The following RAB38 variants were observed in gnomAD, a reference collection of about 807,000 sequenced individuals.
RAB38 encodes RAB38, member RAS oncogene family, also known as ras-related protein Rab-38.
In RAB38, 15 loss-of-function variants were observed where a neutral mutation model predicts 18.4. The ratio of observed to expected loss-of-function variants is 0.82; its 90% confidence interval spans 0.55 to 1.26. The LOEUF is 1.26. Ranked by LOEUF, RAB38 falls within the 50% of genes most tolerant of loss-of-function variation. RAB38 has a pLI of 0.00. For missense variants in RAB38, 294 were observed against 267.4 expected, an observed-to-expected ratio of 1.10 and a Z score of -0.69; for synonymous variants, 101 against 104.4, an observed-to-expected ratio of 0.97 and a Z score of 0.20.
At chr11:88,174,430 T>G (rs1391912949) in intron 1 of RAB38, among the ~76,000 whole-genome samples, 2 of 152,072 alleles carry the variant, frequency 1.3e-5, no homozygotes, top group Non-Finnish European at 2.9e-5. Context: ...ATGAAAACTT[T>G]AGGGCCAAAT....
the RAB38 span, among the ~76,000 whole-genome samples, chr11:88,040,686 G>A: frequency 6.6e-6 from 1 of 151,866 alleles, no homozygotes; most frequent in Non-Finnish European, 1.5e-5. Context: ...CTGGACAACA[G>A]AGGGAGACCC....
chr11:88,156,680 C>T (rs532204629), intron 1 of RAB38, among the ~76,000 whole-genome samples: 134 of 151,760 alleles, frequency 8.8e-4, no homozygotes, highest in African/African-American at 2.7e-3. Context: ...CCAGCCTGGG[C>T]GACAGAGCAA....
chr11:87,910,633 C>CTT, the RAB38 span, among the ~76,000 whole-genome samples: 8,785 of 128,682 alleles, frequency 0.068, 1,294 homozygotes, highest in Admixed American at 0.087. Flanking sequence ...AGTTCATTTT[C>CTT]TTTTTTTTTT....
chr11:87,852,836 C>G, the RAB38 span, among the ~76,000 whole-genome samples: 1 of 152,150 alleles, frequency 6.6e-6, no homozygotes, highest in Non-Finnish European at 1.5e-5. Flanking sequence ...CACCTCTTTT[C>G]AAATTCCCAT....
chr11:87,878,222 T>TATATATATATATATACACAC, the RAB38 span, among the ~76,000 whole-genome samples: 61 of 116,204 alleles, frequency 5.2e-4, 4 homozygotes, highest in African/African-American at 2.7e-3. Context: ...TATATATATA[T>TATATATATATATATACACAC]ACACACATAT....
chr11:87,810,875 T>C, the RAB38 span, among the ~76,000 whole-genome samples: 1 of 152,084 alleles, frequency 6.6e-6, no homozygotes, highest in Admixed American at 6.6e-5. Context: ...ACTTCAATTC[T>C]TGCGTCCTCA....
the RAB38 span, among the ~76,000 whole-genome samples, chr11:87,951,972 G>A: frequency 6.6e-6 from 1 of 152,164 alleles, no homozygotes. Flanking sequence ...GCTCACGCTG[G>A]GAGCTGTAGA....
chr11:88,021,030 G>A, the RAB38 span, among the ~76,000 whole-genome samples: 21 of 151,904 alleles, frequency 1.4e-4, no homozygotes, highest in South Asian at 4.1e-4. Context: ...CTAATGATGC[G>A]TCTTAAAGAA....
chr11:88,073,991 A>G, the RAB38 span, among the ~76,000 whole-genome samples: 1 of 136,344 alleles, frequency 7.3e-6, no homozygotes, highest in Non-Finnish European at 1.6e-5. Context: ...TCAAAGGAGA[A>G]AAAAAAACAT....
At chr11:87,910,598 C>A in the RAB38 span, among the ~76,000 whole-genome samples, 3 of 147,144 alleles carry the variant, frequency 2.0e-5, no homozygotes, top group Admixed American at 2.1e-4. Context: ...TTAGGTCTTA[C>A]ATATAGATCT....
the RAB38 span, among the ~76,000 whole-genome samples, chr11:88,076,406 T>A: frequency 6.6e-6 from 1 of 152,160 alleles, no homozygotes; most frequent in Non-Finnish European, 1.5e-5. Context: ...TTCAGTGTAA[T>A]ACTAGGAGTC....
chr11:87,919,531 C>A, the RAB38 span, among the ~76,000 whole-genome samples: 5 of 151,886 alleles, frequency 3.3e-5, no homozygotes, highest in East Asian at 9.7e-4. Context: ...TTTAATCCAT[C>A]ATTTATCAGG....
the RAB38 span, among the ~76,000 whole-genome samples, chr11:87,927,991 T>C: frequency 6.6e-6 from 1 of 151,912 alleles, no homozygotes; most frequent in Non-Finnish European, 1.5e-5. Flanking sequence ...GGTGGGAGGA[T>C]TGCTTGAGCC....
chr11:88,172,993 C>G (rs1943328552), intron 1 of RAB38, among the ~76,000 whole-genome samples: 6 of 152,170 alleles, frequency 3.9e-5, no homozygotes. Context: ...ATGAACTTCC[C>G]AAGACTTCAG....
At chr11:88,131,254 A>G (rs1942764407) in intron 2 of RAB38, among the ~76,000 whole-genome samples, 1 of 152,230 alleles carries the variant, frequency 6.6e-6, no homozygotes, top group Non-Finnish European at 1.5e-5. Flanking sequence ...ACAATATGAT[A>G]TAATTAAGAA....
At chr11:88,036,847 G>A in the RAB38 span, among the ~76,000 whole-genome samples, 1 of 152,008 alleles carries the variant, frequency 6.6e-6, no homozygotes, top group South Asian at 2.1e-4. Flanking sequence ...GAGCAAATAT[G>A]GTTTGGTGAT....
the RAB38 span, among the ~76,000 whole-genome samples, chr11:87,955,637 G>A: frequency 6.6e-6 from 1 of 151,982 alleles, no homozygotes; most frequent in East Asian, 1.9e-4. Context: ...AATAAAATAA[G>A]CACAACATTT....
At chr11:87,855,363 C>T in the RAB38 span, among the ~76,000 whole-genome samples, 13 of 152,244 alleles carry the variant, frequency 8.5e-5, no homozygotes, top group African/African-American at 3.1e-4. Flanking sequence ...TCAATAATCT[C>T]TTGCTCTTCC....
the RAB38 span, among the ~76,000 whole-genome samples, chr11:87,838,290 A>G: frequency 6.6e-6 from 1 of 151,648 alleles, no homozygotes; most frequent in Non-Finnish European, 1.5e-5. Flanking sequence ...AATTTTTTGT[A>G]TTTTTAGTAG....
Sources: allele counts gnomAD v4.1 joint callset (sites outside exome capture counted in the v4.1 genomes callset), GRCh38; gene constraint gnomAD v4.1.1; transcripts MANE v1.5; gene names NCBI Gene and HGNC (gene_info 2026-07-23, HGNC 2026-07-21).